Variants in ATRNL1 observed in about 807,000 individuals in gnomAD.
ATRNL1 encodes attractin like 1, also known as attractin-like protein 1.
Under a neutral mutation model 182.7 loss-of-function variants are expected in ATRNL1, and 95 were observed. The observed-to-expected ratio is 0.52, with a 90% CI of 0.44 to 0.62. The LOEUF (loss-of-function observed/expected upper bound fraction) is 0.62. Among genes scored for constraint, ATRNL1 ranks in the 20% least tolerant of loss-of-function variants. ATRNL1 has a pLI of 0.00. For missense variants in ATRNL1, 1,471 were observed against 1,679.5 expected, an observed-to-expected ratio of 0.88 and a Z score of 2.17; for synonymous variants, 576 against 568.3, an observed-to-expected ratio of 1.01 and a Z score of -0.19.
chr10:115,497,735 G>A (rs931262888), intron 24 of ATRNL1, among the ~76,000 whole-genome samples: 7 of 151,248 alleles, frequency 4.6e-5, no homozygotes, highest in South Asian at 2.1e-4. Context: ...TCGGCTCACC[G>A]CAACCTCTGA....
At chr10:115,825,923 G>A (rs781937119) in intron 27 of ATRNL1, among the ~76,000 whole-genome samples, 19 of 152,066 alleles carry the variant, frequency 1.2e-4, no homozygotes, top group Non-Finnish European at 2.6e-4. Flanking sequence ...TAAGCTCAGT[G>A]CCTAGCGCAA....
chr10:115,916,925 C>A (rs957569277), intron 28 of ATRNL1, among the ~76,000 whole-genome samples: 6 of 152,220 alleles, frequency 3.9e-5, no homozygotes, highest in Non-Finnish European at 8.8e-5. Context: ...GGACCAGGCT[C>A]AGGACTGGCC....
At chr10:115,188,040 A>G (rs1167766088) in intron 8 of ATRNL1, among the ~76,000 whole-genome samples, 2 of 102,400 alleles carry the variant, frequency 2.0e-5, no homozygotes, top group African/African-American at 7.5e-5. Flanking sequence ...TACAACTGGG[A>G]GAGAGGGAGG....
At chr10:115,727,038 G>A (rs1555060338) in intron 26 of ATRNL1, among the ~76,000 whole-genome samples, 2 of 152,040 alleles carry the variant, frequency 1.3e-5, no homozygotes, top group Admixed American at 1.3e-4. Context: ...AAAGTTATTT[G>A]TAGGCACCGT....
intron 19 of ATRNL1, among the ~76,000 whole-genome samples, chr10:115,363,443 A>T (rs1379065560): frequency 1.4e-5 from 2 of 145,700 alleles, no homozygotes; most frequent in Non-Finnish European, 3.0e-5. Context: ...AGTAGGTTGC[A>T]AAAATTTTCT....
At chr10:115,744,101 T>C (rs1555068527) in intron 27 of ATRNL1, among the ~76,000 whole-genome samples, 1 of 152,122 alleles carries the variant, frequency 6.6e-6, no homozygotes, top group African/African-American at 2.4e-5. Flanking sequence ...AAAAATGTAT[T>C]GCATATGTGG....
At chr10:115,885,038 A>G (rs896487602) in intron 28 of ATRNL1, among the ~76,000 whole-genome samples, 1 of 152,176 alleles carries the variant, frequency 6.6e-6, no homozygotes. Context: ...TAACATTCAG[A>G]CTTCACTTTA....
At chr10:115,328,816 T>C (rs1475400481) in intron 18 of ATRNL1, among the ~76,000 whole-genome samples, 1 of 152,130 alleles carries the variant, frequency 6.6e-6, no homozygotes, top group Non-Finnish European at 1.5e-5. Context: ...TGCATGTGTG[T>C]ATGTGTATTT....
chr10:115,634,508 A>G (rs1858734120), intron 26 of ATRNL1, among the ~76,000 whole-genome samples: 1 of 152,190 alleles, frequency 6.6e-6, no homozygotes, highest in Non-Finnish European at 1.5e-5. Flanking sequence ...TAAAATGTCA[A>G]AAATTCATAT....
chr10:115,380,476 C>A (rs1857936238), intron 19 of ATRNL1, among the ~76,000 whole-genome samples: 1 of 152,060 alleles, frequency 6.6e-6, no homozygotes, highest in Non-Finnish European at 1.5e-5. Flanking sequence ...GTTTTCATCA[C>A]CCCCCTCTAA....
At chr10:115,562,607 C>T (rs1853823558) in intron 26 of ATRNL1, among the ~76,000 whole-genome samples, 1 of 152,074 alleles carries the variant, frequency 6.6e-6, no homozygotes, top group African/African-American at 2.4e-5. Context: ...TCATGAGGGC[C>T]GTTTCCCCCA....
chr10:115,265,987 A>G (rs1851592010), intron 11 of ATRNL1, among the ~76,000 whole-genome samples: 1 of 151,924 alleles, frequency 6.6e-6, no homozygotes, highest in Admixed American at 6.6e-5. Flanking sequence ...CTTAACCACA[A>G]TGAAACTGTG....
chr10:115,751,154 GA>G (rs1948437060), intron 27 of ATRNL1, among the ~76,000 whole-genome samples: 1 of 151,994 alleles, frequency 6.6e-6, no homozygotes, highest in African/African-American at 2.4e-5. Context: ...TCTGATGATG[GA>G]AGCAGAGGTT....
intron 26 of ATRNL1, among the ~76,000 whole-genome samples, chr10:115,659,373 G>T (rs531482253): frequency 2.0e-5 from 3 of 151,918 alleles, no homozygotes; most frequent in African/African-American, 7.2e-5. Context: ...TTATCTGCTT[G>T]GTGTTTCCAT....
intron 28 of ATRNL1, among the ~76,000 whole-genome samples, chr10:115,897,864 T>A (rs1952247972): frequency 6.6e-6 from 1 of 152,210 alleles, no homozygotes; most frequent in Non-Finnish European, 1.5e-5. Context: ...ATCATTCATG[T>A]TAGTCGTAAC....
chr10:115,788,334 C>A (rs1949445397), intron 27 of ATRNL1, among the ~76,000 whole-genome samples: 1 of 152,198 alleles, frequency 6.6e-6, no homozygotes, highest in Non-Finnish European at 1.5e-5. Context: ...AGAGGCACAT[C>A]TTTTCCTACC....
At chr10:115,536,558 G>T (rs1404930607) in intron 25 of ATRNL1, among the ~76,000 whole-genome samples, 1 of 152,214 alleles carries the variant, frequency 6.6e-6, no homozygotes, top group African/African-American at 2.4e-5. Context: ...GACGCCTTGT[G>T]CTTCCCAAGT....
chr10:115,896,372 T>C (rs1952208328), intron 28 of ATRNL1, among the ~76,000 whole-genome samples: 1 of 148,646 alleles, frequency 6.7e-6, no homozygotes, highest in Admixed American at 6.7e-5. Flanking sequence ...TTTCACAGCA[T>C]AAAGAAAAAA....
chr10:115,639,456 T>C (rs782083758), intron 26 of ATRNL1, among the ~76,000 whole-genome samples: 11 of 152,210 alleles, frequency 7.2e-5, no homozygotes, highest in Non-Finnish European at 1.3e-4. Flanking sequence ...CTACATACCA[T>C]TGGCTATCCT....
Sources: gnomAD v4.1 joint callset for allele counts (sites outside exome capture counted in the v4.1 genomes callset) on GRCh38, gnomAD v4.1.1 for gene constraint, MANE v1.5 for transcripts, NCBI Gene and HGNC (gene_info 2026-07-23, HGNC 2026-07-21) for gene names.